HS3ST4: variants seen among roughly 807,000 people sequenced by gnomAD.
HS3ST4 encodes the protein heparan sulfate glucosamine 3-O-sulfotransferase 4.
In HS3ST4, 17 loss-of-function variants were observed where a neutral mutation model predicts 29.2. That is an observed-to-expected ratio of 0.58 (90% CI 0.40 to 0.87). The LOEUF is 0.87. Ranked by LOEUF, HS3ST4 falls within the 40% of genes least tolerant of loss-of-function variation. The probability of loss-of-function intolerance (pLI) is 0.00; values close to 1 mark genes in which losing one functional copy is unlikely to be tolerated. For synonymous variants in HS3ST4, 314 were observed against 285.7 expected (o/e 1.10, Z -1.00); for missense variants, 627 against 634.5 (o/e 0.99, Z 0.13).
intron 1 of HS3ST4, among the ~76,000 whole-genome samples, chr16:26,085,797 C>G (rs1411734165): frequency 6.6e-6 from 1 of 151,618 alleles, no homozygotes; most frequent in Non-Finnish European, 1.5e-5. Context: ...CTGCTTGAGC[C>G]CAGGAGATTG....
At chr16:25,747,280 TG>T (rs1350522575) in intron 1 of HS3ST4, among the ~76,000 whole-genome samples, 1 of 152,234 alleles carries the variant, frequency 6.6e-6, no homozygotes, top group African/African-American at 2.4e-5. Context: ...CATTACAGGC[TG>T]GTGACACCAC....
chr16:25,948,539 C>T (rs1004264810), intron 1 of HS3ST4, among the ~76,000 whole-genome samples: 1 of 152,106 alleles, frequency 6.6e-6, no homozygotes, highest in African/African-American at 2.4e-5. Flanking sequence ...TATCTCTCAT[C>T]CCCCAAGCTG....
At chr16:26,122,330 G>C (rs1899287419) in intron 1 of HS3ST4, among the ~76,000 whole-genome samples, 1 of 152,116 alleles carries the variant, frequency 6.6e-6, no homozygotes, top group South Asian at 2.1e-4. Context: ...CTGTCCATAT[G>C]TGCTTTCTAA....
chr16:26,084,693 C>G (rs145620198), intron 1 of HS3ST4, among the ~76,000 whole-genome samples: 163 of 152,270 alleles, frequency 1.1e-3, no homozygotes, highest in African/African-American at 3.8e-3. Context: ...ACTGCAGCCT[C>G]AAACTCCTGG....
intron 1 of HS3ST4, among the ~76,000 whole-genome samples, chr16:25,940,229 G>A (rs1265230157): frequency 1.3e-5 from 2 of 148,622 alleles, no homozygotes; most frequent in East Asian, 3.9e-4. Flanking sequence ...AAACAGCTAA[G>A]AGTTATTTGG....
intron 1 of HS3ST4, among the ~76,000 whole-genome samples, chr16:25,816,861 T>C (rs1967097140): frequency 6.6e-6 from 1 of 152,100 alleles, no homozygotes; most frequent in South Asian, 2.1e-4. Context: ...GGCTGAATGT[T>C]CTAGCCTAGG....
intron 1 of HS3ST4, among the ~76,000 whole-genome samples, chr16:26,127,267 C>T (rs889310576): frequency 4.6e-5 from 7 of 152,182 alleles, no homozygotes; most frequent in African/African-American, 1.7e-4. Flanking sequence ...CTAAACGTTG[C>T]TCCCCTTGAT....
chr16:25,956,665 A>G (rs1450767632), intron 1 of HS3ST4, among the ~76,000 whole-genome samples: 2 of 152,162 alleles, frequency 1.3e-5, no homozygotes, highest in East Asian at 1.9e-4. Context: ...TGGACAATAA[A>G]TTCTCAGCTG....
At chr16:25,863,612 C>T (rs72780743) in intron 1 of HS3ST4, among the ~76,000 whole-genome samples, 25,710 of 152,134 alleles carry the variant, frequency 0.17, 2,346 homozygotes, top group East Asian at 0.26. Flanking sequence ...AATACTCTAT[C>T]TTGCTTGAAG....
intron 1 of HS3ST4, among the ~76,000 whole-genome samples, chr16:25,960,643 G>T (rs1880100982): frequency 4.6e-5 from 7 of 152,198 alleles, no homozygotes; most frequent in Admixed American, 4.6e-4. Context: ...TTTGGCTACA[G>T]ACTTGCTCTA....
intron 1 of HS3ST4, among the ~76,000 whole-genome samples, chr16:25,798,591 T>C (rs1026876701): frequency 2.6e-5 from 4 of 152,190 alleles, no homozygotes; most frequent in African/African-American, 7.2e-5. Context: ...CTGATGCTAA[T>C]GGGGTGGTGG....
intron 1 of HS3ST4, among the ~76,000 whole-genome samples, chr16:25,789,558 A>G (rs1321312932): frequency 6.6e-6 from 1 of 150,436 alleles, no homozygotes; most frequent in East Asian, 2.0e-4. Context: ...TGTCTCATGA[A>G]AAAATAATGA....
At chr16:26,096,163 G>T (rs542847093) in intron 1 of HS3ST4, among the ~76,000 whole-genome samples, 5 of 152,116 alleles carry the variant, frequency 3.3e-5, no homozygotes, top group African/African-American at 1.2e-4. Context: ...ACTACCAGAG[G>T]TACAAAGAGG....
intron 1 of HS3ST4, among the ~76,000 whole-genome samples, chr16:26,087,424 G>A (rs530601605): frequency 2.6e-5 from 4 of 152,242 alleles, no homozygotes; most frequent in Non-Finnish European, 5.9e-5. Flanking sequence ...CCAAGCCAAG[G>A]CCTCCTAATG....
intron 1 of HS3ST4, among the ~76,000 whole-genome samples, chr16:26,112,170 A>T (rs1164419091): frequency 1.3e-5 from 2 of 152,044 alleles, no homozygotes; most frequent in Admixed American, 1.3e-4. Flanking sequence ...TCATATGTGA[A>T]TCTTGAGAAA....
chr16:25,858,584 A>G (rs1361149852), intron 1 of HS3ST4, among the ~76,000 whole-genome samples: 1 of 152,108 alleles, frequency 6.6e-6, no homozygotes, highest in East Asian at 1.9e-4. Context: ...GTTGCAATGT[A>G]TGCTTTTTTT....
intron 1 of HS3ST4, among the ~76,000 whole-genome samples, chr16:26,015,855 A>C (rs1430960608): frequency 1.3e-5 from 2 of 152,022 alleles, no homozygotes; most frequent in African/African-American, 4.8e-5. Context: ...TTTAAGTTAA[A>C]CTCATACTTT....
At position 26,075,867 on chromosome 16, in the gene HS3ST4, C is replaced by T. The variant is rs149051911; in HGVS notation, c.735-59745C>T. Among the ~76,000 whole-genome samples the T allele has an allele frequency of 1.8e-3, 278 of 152,248 alleles. 2 individuals carry two copies. The highest frequency in any genetic ancestry group is 6.2e-3 in the African/African-American group (259 of 41,536). On this transcript the variant is annotated intron_variant, in intron 1 of 1. Transcript: ENST00000331351. ...CCTTTTTTGAAATAATTTTCAATAC[C>T]TTAAACTTAGTTAGTCTCAGCATTC...
chr16:25,722,727 G>T (rs1342853071), intron 1 of HS3ST4, among the ~76,000 whole-genome samples: 1 of 152,172 alleles, frequency 6.6e-6, no homozygotes, highest in East Asian at 1.9e-4. Flanking sequence ...TGACCTGCTG[G>T]CTGTGGGGCC....
Sources: allele counts gnomAD v4.1 joint callset (sites outside exome capture counted in the v4.1 genomes callset), GRCh38; gene constraint gnomAD v4.1.1; transcripts MANE v1.5; gene names NCBI Gene and HGNC (gene_info 2026-07-23, HGNC 2026-07-21).